The following ZBTB49 variants were observed in gnomAD, a reference collection of about 807,000 sequenced individuals.
ZBTB49 encodes the protein zinc finger and BTB domain-containing protein 49.
A neutral mutation model predicts 57.5 loss-of-function variants in ZBTB49; 43 were observed. The observed-to-expected ratio is 0.75, with a 90% CI of 0.59 to 0.97. The LOEUF is 0.97. ZBTB49 is among the 50% of genes least tolerant of loss of function. The pLI, the probability that ZBTB49 is intolerant of heterozygous loss-of-function variation, is 0.00. For missense variants in ZBTB49, 938 were observed against 947.7 expected, an observed-to-expected ratio of 0.99 and a Z score of 0.13; for synonymous variants, 369 against 362.1, an observed-to-expected ratio of 1.02 and a Z score of -0.22.
rs138098072 is a variant in ZBTB49 at position 4,312,779 on chromosome 4, G to C, written c.1303-262G>C. ...GCTGTTAAGAGGGAAGCACTGCATA[G>C]GGCCTGCCTGAACTAGGACACAGCC... On this transcript the variant is annotated intron_variant, in intron 4 of 7. Transcript: ENST00000337872. Among the ~76,000 whole-genome samples, 1,211 of 152,280 alleles carry C rather than the reference G, an allele frequency of 8.0e-3. 11 individuals are homozygous for C. Among genetic ancestry groups the C allele is most frequent in the African/African-American group, 0.027 (1,139 of 41,538 alleles).
intron 1 of ZBTB49, among the ~76,000 whole-genome samples, chr4:4,297,486 C>T (rs1310942665): frequency 2.0e-5 from 3 of 152,112 alleles, no homozygotes; most frequent in African/African-American, 4.8e-5. Context: ...AAACCCAGAG[C>T]GGGTTAAGAA....
In ZBTB49 at chr4:4,320,665, C is replaced by T. The variant is rs1252790299; in HGVS notation, c.1647C>T (p.Asp549=). The part of the protein sequence containing the change: ...ACGKCFGGSG[D]LRRHVRTHTG... ...GGAAATGTTTTGGGGGATCAGGTGA[C>T]CTCCGCAGGCATGTCCGCACTCACA... Residue 549 remains aspartate, a synonymous_variant, in exon 8 of 8, where the codon GAC becomes GAT. Transcript: ENST00000337872. 1.2e-6 allele frequency: 2 copies of T among 1,614,004 alleles called. No homozygotes were observed. Among genetic ancestry groups the T allele is most frequent in the East Asian group, 2.2e-5 (1 of 44,886 alleles).
chr4:4,306,106 A>AT lies in ZBTB49; in HGVS notation c.1256-28dup, dbSNP rs755684893. ...AATTATTGAACAAATACTAGTAATGATTTTACAAGTTGTTGTTTTGTTTTG... is the reference window on the plus strand; with the variant it reads ...AATTATTGAACAAATACTAGTAATGATTTTTACAAGTTGTTGTTTTGTTTTG... On this transcript the variant is annotated intron_variant, in intron 3 of 7. Coordinates refer to ENST00000337872, the MANE Select transcript of ZBTB49 (RefSeq NM_145291.4). The AT allele has an allele frequency of 6.3e-6, 10 of 1,599,596 alleles. No individual in the cohort carries two copies. In the South Asian group the frequency reaches 1.1e-4, roughly 18 times the overall value.
Position 4,302,519 on chromosome 4 carries a change from C to G in ZBTB49, c.683C>G (p.Ala228Gly), listed in dbSNP as rs1444928595. 1.9e-6 allele frequency: 3 copies of G among 1,613,968 alleles called. No homozygotes were observed. Among genetic ancestry groups the G allele is most frequent in the Admixed American group, 1.7e-5 (1 of 60,004 alleles). The change falls in exon 3 of 8, where the codon GCA (alanine) becomes GGA (glycine). Residue 228 changes from alanine to glycine, a missense_variant. Coordinates refer to ENST00000337872, the MANE Select transcript of ZBTB49 (RefSeq NM_145291.4). ...NFYSKQYHKH[A>G]AGPSQERVVE... Reference sequence around the variant, plus strand: ...TACAGTAAGCAGTACCATAAACACGCAGCTGGTCCCAGTCAGGAGAGAGTT... The same window carrying G: ...TACAGTAAGCAGTACCATAAACACGGAGCTGGTCCCAGTCAGGAGAGAGTT...
At position 4,302,863 on chromosome 4, in the gene ZBTB49, A is replaced by C. The variant is rs1199172049; in HGVS notation, c.1027A>C (p.Asn343His). ...AAAGAGGTTGGAATCTGCTAGTAAAAATACCCTAGAGAAAGCTAGCAGCCA... is the reference window on the plus strand; with the variant it reads ...AAAGAGGTTGGAATCTGCTAGTAAACATACCCTAGAGAAAGCTAGCAGCCA... The part of the protein sequence containing the change: ...LTKRLESASK[N>H]TLEKASSQSA... The change falls in exon 3 of 8, where the codon AAT becomes CAT. Residue 343 changes from asparagine (N) to histidine (H), a missense_variant. Physicochemically the swap from Asn to His is moderately conservative, Grantham distance 68. Transcript: ENST00000337872. 1 of 1,613,810 alleles carries C rather than the reference A, an allele frequency of 6.2e-7. No homozygotes were observed.
chr4:4,300,531 A>G (rs1029745188), intron 2 of ZBTB49, among the ~76,000 whole-genome samples: 6 of 151,934 alleles, frequency 3.9e-5, no homozygotes, highest in Admixed American at 2.0e-4. Flanking sequence ...TAATTAAAGC[A>G]TTTTAGTTTT....
chr4:4,312,528 C>G (rs999867675), intron 4 of ZBTB49, among the ~76,000 whole-genome samples: 4 of 152,320 alleles, frequency 2.6e-5, no homozygotes, highest in Non-Finnish European at 4.4e-5. Flanking sequence ...ATTGAGAAAC[C>G]TGTCAGAAAG....
chr4:4,301,091 A>G (rs1228195266), intron 2 of ZBTB49, among the ~76,000 whole-genome samples: 2 of 152,154 alleles, frequency 1.3e-5, no homozygotes, highest in Non-Finnish European at 2.9e-5. Flanking sequence ...TGGGTTTGCT[A>G]TCACCTGTTT....
At position 4,309,625 on chromosome 4, in the gene ZBTB49, C is replaced by T. The variant is rs377656627; in HGVS notation, c.1303-3416C>T. Reference sequence around the variant, plus strand: ...AGAGGCAGTACTCTGCCAGCAGCGCCGTCTAGCCAGCTGTCTGCCCGAGTC... The same window carrying T: ...AGAGGCAGTACTCTGCCAGCAGCGCTGTCTAGCCAGCTGTCTGCCCGAGTC... On this transcript the variant is annotated intron_variant, in intron 4 of 7. Transcript: ENST00000337872. 4.6e-5 allele frequency among the ~76,000 whole-genome samples: 7 copies of T among 152,314 alleles called. No individual in the cohort carries two copies. In the South Asian group the frequency reaches 1.4e-3, roughly 32 times the overall value.
In ZBTB49 at chr4:4,302,001, G is replaced by C. The variant is rs1490485577; in HGVS notation, c.165G>C (p.Gln55His). The change falls in exon 3 of 8, where the codon CAG becomes CAC. Residue 55 changes from glutamine to histidine, a missense_variant. Physicochemically the swap from Gln to His is conservative, Grantham distance 24. Around this residue, in one of 3 missense-constraint regions of ZBTB49, gnomAD observed 100 missense variants for 112.5 expected, o/e 0.89. Transcript: ENST00000337872. ...AFSQYFRSLFQNSSSQKNDVF... is the reference protein window; with the variant it reads ...AFSQYFRSLFHNSSSQKNDVF... Reference sequence around the variant, plus strand: ...TTTCTTTTACCAGGAGCCTCTTTCAGAATTCTTCAAGCCAGAAGAATGATG... The same window carrying C: ...TTTCTTTTACCAGGAGCCTCTTTCACAATTCTTCAAGCCAGAAGAATGATG... 3 of 1,534,566 alleles carry C rather than the reference G, an allele frequency of 2.0e-6. No homozygotes were observed. Among genetic ancestry groups the C allele is most frequent in the Non-Finnish European group, 2.6e-6 (3 of 1,140,686 alleles).
chr4:4,316,597 A>G (rs189029655), intron 7 of ZBTB49, among the ~76,000 whole-genome samples: 16 of 152,322 alleles, frequency 1.1e-4, no homozygotes, highest in Non-Finnish European at 1.9e-4. Context: ...CTATTGAATC[A>G]TGGGCAAAAC....
intron 5 of ZBTB49, among the ~76,000 whole-genome samples, chr4:4,314,946 T>A (rs1405856558): frequency 6.6e-6 from 1 of 152,250 alleles, no homozygotes; most frequent in Non-Finnish European, 1.5e-5. Context: ...CAGCATCTGC[T>A]CAGTGAATGC....
intron 3 of ZBTB49, among the ~76,000 whole-genome samples, chr4:4,305,629 G>T (rs764004638): frequency 2.0e-5 from 3 of 152,184 alleles, no homozygotes; most frequent in African/African-American, 7.2e-5. Flanking sequence ...ACTTTCTCTC[G>T]TGAGAACCAA....
intron 7 of ZBTB49, among the ~76,000 whole-genome samples, chr4:4,316,680 T>TG (rs1168276053): frequency 6.6e-6 from 1 of 152,206 alleles, no homozygotes; most frequent in African/African-American, 2.4e-5. Context: ...GTAGGGAGCC[T>TG]GGATTCAGGG....
chr4:4,299,791 G>GTGTGTC (rs1437611484), intron 1 of ZBTB49, 136 bp from the exon 2 acceptor site: 62 of 694,878 alleles, frequency 8.9e-5, no homozygotes, highest in Non-Finnish European at 9.5e-6. Flanking sequence ...GTGTGTGTGT[G>GTGTGTC]TGTGTGTGTG....
rs751664035 is a variant in ZBTB49, at chr4:4,302,965, G to A, written c.1129G>A (p.Glu377Lys). ...FNCISETERP[E>K]DPAALEDQSQ... is the part of the protein sequence containing the mutation. ...TTGCATTAGTGAGACGGAGAGGCCTGAAGACCCGGCTGCCCTGGAAGACCA... is the reference window on the plus strand; with the variant it reads ...TTGCATTAGTGAGACGGAGAGGCCTAAAGACCCGGCTGCCCTGGAAGACCA... The change falls in exon 3 of 8, where the codon GAA becomes AAA. Residue 377 changes from glutamate (E) to lysine (K), a missense_variant. By Grantham distance (56) the Glu-to-Lys change is moderately conservative. Transcript: ENST00000337872. 5.0e-6 allele frequency: 8 copies of A among 1,614,222 alleles called. No individual in the cohort carries two copies. Among genetic ancestry groups the A allele is most frequent in the Non-Finnish European group, 6.8e-6 (8 of 1,180,040 alleles).
rs1720408398 is a variant in ZBTB49, at chr4:4,300,033, G to A, written c.88G>A (p.Val30Met). 1 of 1,614,084 alleles carries A rather than the reference G, an allele frequency of 6.2e-7. No homozygotes were observed. Among genetic ancestry groups the A allele is most frequent in the Admixed American group, 1.7e-5 (1 of 59,994 alleles). Residue 30 changes from valine (V) to methionine (M), a missense_variant, in exon 2 of 8, where the codon GTG (valine) becomes ATG (methionine). By Grantham distance (21) the Val-to-Met change is conservative (BLOSUM62 1). Transcript: ENST00000337872. Reference protein sequence around the residue: ...IQGLLCDCMLVVKGVCFKAHK... With the variant: ...IQGLLCDCMLMVKGVCFKAHK... ...AGGCCTGCTTTGTGACTGTATGTTG[G>A]TGGTAAAAGGAGTCTGCTTTAAAGC...
chr4:4,296,030 A>G (rs951296934), intron 1 of ZBTB49, among the ~76,000 whole-genome samples: 1 of 152,246 alleles, frequency 6.6e-6, no homozygotes, highest in Non-Finnish European at 1.5e-5. Context: ...GTCAAGGGAA[A>G]GAGGAGAGGG....
At chr4:4,299,806 T>C in intron 1 of ZBTB49, 121 bp from the exon 2 acceptor site, 1 of 736,706 alleles carries the variant, frequency 1.4e-6, no homozygotes, top group Non-Finnish European at 2.2e-6. Flanking sequence ...TGTGTGTGTG[T>C]GTGTGAGAGA....
Sources: allele counts gnomAD v4.1 joint callset (sites outside exome capture counted in the v4.1 genomes callset), GRCh38; gene constraint gnomAD v4.1.1; regional missense constraint gnomAD v4.1.1; transcripts MANE v1.5; gene names NCBI Gene and HGNC (gene_info 2026-07-23, HGNC 2026-07-21).